The following MARCHF11 variants were observed in gnomAD, a reference collection of about 807,000 sequenced individuals.
MARCHF11 encodes membrane associated ring-CH-type finger 11.
Under a neutral mutation model 37.3 loss-of-function variants are expected in MARCHF11, and 29 were observed. The ratio of observed to expected loss-of-function variants is 0.78; its 90% CI spans 0.58 to 1.06. The LOEUF is 1.06. Ranked by LOEUF, MARCHF11 falls within the 50% of genes least tolerant of loss-of-function variation. MARCHF11 has a pLI of 0.00. For synonymous variants in MARCHF11, 233 were observed against 228.0 expected, an observed-to-expected ratio of 1.02 and a Z score of -0.20; for missense variants, 482 against 533.4, an observed-to-expected ratio of 0.90 and a Z score of 0.95.
chr5:16,114,663 T>A (rs1277144185), intron 2 of MARCHF11, among the ~76,000 whole-genome samples: 1 of 151,820 alleles, frequency 6.6e-6, no homozygotes, highest in Non-Finnish European at 1.5e-5. Flanking sequence ...AGCTTTACTT[T>A]TTTTTTTTAA....
At chr5:16,104,858 C>A (rs116417119) in intron 2 of MARCHF11, among the ~76,000 whole-genome samples, 3,666 of 152,182 alleles carry the variant, frequency 0.024, 165 homozygotes, top group African/African-American at 0.083. Flanking sequence ...ATTTTCCTCA[C>A]CTTTAAAATT....
At chr5:16,080,191 G>T (rs767490630) in intron 3 of MARCHF11, among the ~76,000 whole-genome samples, 26 of 152,038 alleles carry the variant, frequency 1.7e-4, no homozygotes, top group African/African-American at 5.6e-4. Context: ...ATCCATCCAC[G>T]TTACCCCCAC....
intron 2 of MARCHF11, among the ~76,000 whole-genome samples, chr5:16,159,209 G>A (rs1738032074): frequency 2.0e-5 from 3 of 151,776 alleles, no homozygotes; most frequent in Admixed American, 2.0e-4. Context: ...AATAAAATAA[G>A]TTTAATAAGT....
chr5:16,091,145 TTTTCA>T, intron 2 of MARCHF11, 64 bp from the exon 3 acceptor site: 1 of 1,084,028 alleles, frequency 9.2e-7, no homozygotes, highest in South Asian at 1.9e-5. Flanking sequence ...AAAAAAAACA[TTTTCA>T]GTCCTGTGTT....
chr5:16,169,671 A>G, intron 2 of MARCHF11, among the ~76,000 whole-genome samples: 1 of 152,160 alleles, frequency 6.6e-6, no homozygotes, highest in African/African-American at 2.4e-5. Context: ...CTTTTGAATT[A>G]TGAGTTATTC....
At chr5:16,086,000 T>C (rs1736693412) in intron 3 of MARCHF11, among the ~76,000 whole-genome samples, 1 of 147,292 alleles carries the variant, frequency 6.8e-6, no homozygotes, top group East Asian at 2.0e-4. Flanking sequence ...ACCCAGACTT[T>C]CCACTTCTCA....
At chr5:16,147,138 G>A (rs1236040431) in intron 2 of MARCHF11, among the ~76,000 whole-genome samples, 1 of 152,126 alleles carries the variant, frequency 6.6e-6, no homozygotes, top group Non-Finnish European at 1.5e-5. Flanking sequence ...TTAGAGGCAG[G>A]CACAGCCACA....
rs542003901 is a variant in MARCHF11 at position 16,069,159 on chromosome 5, T to C, written c.887-1366A>G. Among the ~76,000 whole-genome samples the C allele has an allele frequency of 5.9e-5, 9 of 152,260 alleles. No homozygotes were observed. The East Asian group carries it at 1.3e-3, about 23-fold the overall frequency. On this transcript the variant is annotated intron_variant, in intron 3 of 3. Coordinates refer to ENST00000332432, the MANE Select transcript of MARCHF11 (RefSeq NM_001102562.3). ...AAGAGTAATGAGATAAAATGAAACA[T>C]AGTCATCTGCATTAATGTGGATACC...
chr5:16,162,789 C>A (rs932378652), intron 2 of MARCHF11, among the ~76,000 whole-genome samples: 1 of 151,920 alleles, frequency 6.6e-6, no homozygotes, highest in African/African-American at 2.4e-5. Context: ...GAATACACAG[C>A]AAATCCAAAA....
chr5:16,125,212 T>C (rs72738271), intron 2 of MARCHF11, among the ~76,000 whole-genome samples: 20,833 of 151,090 alleles, frequency 0.14, 2,233 homozygotes, highest in East Asian at 0.29. Context: ...ATGTAACACA[T>C]GAGGGTGACA....
At chr5:16,090,837 T>C in intron 3 of MARCHF11, 52 bp downstream of exon 3, 1 of 1,354,292 alleles carries the variant, frequency 7.4e-7, no homozygotes, top group Non-Finnish European at 9.8e-7. Context: ...ACGTAATCGC[T>C]GAAAGAAATG....
chr5:16,086,491 A>G (rs1736700921), intron 3 of MARCHF11, among the ~76,000 whole-genome samples: 3 of 152,236 alleles, frequency 2.0e-5, no homozygotes, highest in Admixed American at 1.3e-4. Context: ...TATAAACATA[A>G]TCAGTATCTT....
intron 2 of MARCHF11, among the ~76,000 whole-genome samples, chr5:16,135,662 T>C (rs889837448): frequency 8.5e-5 from 13 of 152,070 alleles, no homozygotes; most frequent in African/African-American, 2.7e-4. Context: ...AATCATTACA[T>C]AGATGGCAAT....
intron 3 of MARCHF11, among the ~76,000 whole-genome samples, chr5:16,068,405 C>T (rs1736384249): frequency 6.6e-6 from 1 of 152,142 alleles, no homozygotes; most frequent in East Asian, 1.9e-4. Flanking sequence ...AATTTAAGTA[C>T]TAGCACTTAC....
At chr5:16,163,795 G>A (rs112438600) in intron 2 of MARCHF11, among the ~76,000 whole-genome samples, 58 of 152,144 alleles carry the variant, frequency 3.8e-4, no homozygotes, top group African/African-American at 1.3e-3. Context: ...AAGACGTGGA[G>A]CTTTAAGAGG....
intron 2 of MARCHF11, among the ~76,000 whole-genome samples, chr5:16,122,456 C>T (rs1330673225): frequency 1.1e-4 from 16 of 152,138 alleles, no homozygotes; most frequent in Non-Finnish European, 1.9e-4. Context: ...AGCTTAAAGC[C>T]AAGCAGAAAT....
chr5:16,111,039 C>A (rs758668409), intron 2 of MARCHF11, among the ~76,000 whole-genome samples: 1 of 152,196 alleles, frequency 6.6e-6, no homozygotes, highest in Non-Finnish European at 1.5e-5. Flanking sequence ...TAAGACCTGC[C>A]TTTCACCTTC....
chr5:16,133,648 T>TGC (rs369391656), intron 2 of MARCHF11, among the ~76,000 whole-genome samples: 40 of 143,664 alleles, frequency 2.8e-4, no homozygotes, highest in African/African-American at 9.5e-4. Context: ...CACATACACA[T>TGC]GCACACACAC....
chr5:16,122,895 C>T (rs1300099344), intron 2 of MARCHF11, among the ~76,000 whole-genome samples: 1 of 152,218 alleles, frequency 6.6e-6, no homozygotes, highest in South Asian at 2.1e-4. Context: ...AGGAGCCACA[C>T]TTTGCTAAGC....
Sources: gnomAD v4.1 joint callset for allele counts (sites outside exome capture counted in the v4.1 genomes callset) on GRCh38, gnomAD v4.1.1 for gene constraint, MANE v1.5 for transcripts, NCBI Gene and HGNC (gene_info 2026-07-23, HGNC 2026-07-21) for gene names.